ANO2: variants seen among roughly 807,000 people sequenced by gnomAD.
The protein encoded by ANO2 is anoctamin-2.
ANO2 carries 101 observed loss-of-function variants against 124.2 expected under a neutral mutation model. That is an observed-to-expected ratio of 0.81 (90% CI 0.69 to 0.96). The LOEUF is 0.96. ANO2 is among the 40% of genes least tolerant of loss of function. The pLI is 0.00. For missense variants in ANO2, 1,293 were observed against 1,274.5 expected, an observed-to-expected ratio of 1.01 and a Z score of -0.22; for synonymous variants, 486 against 482.5, an observed-to-expected ratio of 1.01 and a Z score of -0.09.
rs562471152 is a variant in ANO2 at position 5,678,579 on chromosome 12, G to C, written c.1546-30778C>G. Reference sequence around the variant, plus strand: ...AATTTTCCAAGGGATTTACTGGAACGCATTTCTGAGGGGGACTGAATGCTG... The same window carrying C: ...AATTTTCCAAGGGATTTACTGGAACCCATTTCTGAGGGGGACTGAATGCTG... On this transcript the variant is annotated intron_variant, in intron 14 of 24. Transcript: ENST00000682330. Among the ~76,000 whole-genome samples, 11 of 152,322 alleles carry C rather than the reference G, an allele frequency of 7.2e-5. No individual in the cohort carries two copies. In the East Asian group the frequency reaches 1.9e-3, roughly 27 times the overall value.
chr12:5,578,562 G>T (rs1231542486), intron 20 of ANO2, 44 bp from the exon 21 acceptor site: 1 of 1,586,634 alleles, frequency 6.3e-7, no homozygotes, highest in Non-Finnish European at 8.6e-7. Flanking sequence ...GAACAAGCAG[G>T]ACTCAGGTCC....
In ANO2 at chr12:5,667,070, C is replaced by T. The variant is rs990687671; in HGVS notation, c.1546-19269G>A. On this transcript the variant is annotated intron_variant, in intron 14 of 24. Transcript: ENST00000682330. ...CCGATGCTGAGAAAGAAACACTGTCCTGGCTTGATGGAAGGAGGACACCCG... is the reference window on the plus strand; with the variant it reads ...CCGATGCTGAGAAAGAAACACTGTCTTGGCTTGATGGAAGGAGGACACCCG... Among the ~76,000 whole-genome samples the T allele has an allele frequency of 2.6e-5, 4 of 152,158 alleles. No homozygotes were observed. In the East Asian group the frequency reaches 5.8e-4, roughly 22 times the overall value.
At chr12:5,830,094 A>G (rs1223870127) in intron 6 of ANO2, among the ~76,000 whole-genome samples, 1 of 152,094 alleles carries the variant, frequency 6.6e-6, no homozygotes, top group Non-Finnish European at 1.5e-5. Context: ...TTTTCAATGC[A>G]TTGCTTCTCA....
intron 3 of ANO2, among the ~76,000 whole-genome samples, chr12:5,914,768 C>T (rs1322149721): frequency 6.6e-6 from 1 of 152,154 alleles, no homozygotes; most frequent in Non-Finnish European, 1.5e-5. Context: ...GATTTCAGGG[C>T]CTGCAAGGTG....
At chr12:5,763,254 A>G (rs1951789349) in intron 10 of ANO2, among the ~76,000 whole-genome samples, 1 of 152,216 alleles carries the variant, frequency 6.6e-6, no homozygotes, top group South Asian at 2.1e-4. Flanking sequence ...CTGTCAAATA[A>G]GAAATGATGT....
At chr12:5,930,795 C>G (rs573171323) in intron 1 of ANO2, among the ~76,000 whole-genome samples, 80 of 152,276 alleles carry the variant, frequency 5.3e-4, no homozygotes, top group Non-Finnish European at 9.6e-4. Context: ...TCCTGCAGAA[C>G]AGCACTTCCC....
At chr12:5,653,363 G>T (rs1042960114) in intron 14 of ANO2, among the ~76,000 whole-genome samples, 1 of 152,210 alleles carries the variant, frequency 6.6e-6, no homozygotes, top group Admixed American at 6.5e-5. Flanking sequence ...GCAAAGAGAA[G>T]AGAAATACAA....
chr12:5,729,859 A>G (rs1950569481), intron 14 of ANO2, among the ~76,000 whole-genome samples: 1 of 152,222 alleles, frequency 6.6e-6, no homozygotes, highest in Non-Finnish European at 1.5e-5. Flanking sequence ...ATATGCTACA[A>G]TATGAATGAA....
chr12:5,631,334 C>T (rs1945708983), intron 16 of ANO2, among the ~76,000 whole-genome samples: 1 of 152,166 alleles, frequency 6.6e-6, no homozygotes, highest in South Asian at 2.1e-4. Context: ...CTCCCTCCTG[C>T]CATCTGGGTC....
Position 5,631,204 on chromosome 12 carries a change from C to A in ANO2, c.1816+3948G>T, listed in dbSNP as rs531317457. 2.0e-5 allele frequency among the ~76,000 whole-genome samples: 3 copies of A among 152,302 alleles called. No homozygotes were observed. In the South Asian group the frequency reaches 6.2e-4, roughly 32 times the overall value. On this transcript the variant is annotated intron_variant, in intron 16 of 24. Coordinates refer to ENST00000682330, the MANE Select transcript of ANO2 (RefSeq NM_001364791.2). ...GTGATGCGGTAAGATCAGACAGTAC[C>A]TGATCAGCATCCAATGAATAGTGTG...
chr12:5,685,526 T>C (rs540846075), intron 14 of ANO2, among the ~76,000 whole-genome samples: 1 of 152,320 alleles, frequency 6.6e-6, no homozygotes, highest in Non-Finnish European at 1.5e-5. Context: ...GGCTCAGGCC[T>C]ATAATCCCAA....
intron 10 of ANO2, among the ~76,000 whole-genome samples, chr12:5,778,569 A>G (rs1435482947): frequency 6.6e-6 from 1 of 152,262 alleles, no homozygotes; most frequent in Non-Finnish European, 1.5e-5. Context: ...ATGCAATTCC[A>G]ATAGATGGCA....
At chr12:5,573,378 T>G (rs1169924176) in intron 23 of ANO2, among the ~76,000 whole-genome samples, 1 of 152,140 alleles carries the variant, frequency 6.6e-6, no homozygotes, top group Non-Finnish European at 1.5e-5. Flanking sequence ...AAACAGACGA[T>G]GTGAGCCTGG....
chr12:5,691,986 G>A (rs1183687278), intron 14 of ANO2, among the ~76,000 whole-genome samples: 1 of 152,212 alleles, frequency 6.6e-6, no homozygotes, highest in Non-Finnish European at 1.5e-5. Context: ...GATCTTGTGA[G>A]GCCTGGTGGG....
intron 3 of ANO2, among the ~76,000 whole-genome samples, chr12:5,877,316 C>T (rs1565742447): frequency 6.6e-6 from 1 of 152,114 alleles, no homozygotes; most frequent in South Asian, 2.1e-4. Flanking sequence ...AGGAGACGGC[C>T]ATGTGACGAT....
At chr12:5,881,905 T>C (rs564739766) in intron 3 of ANO2, 38 of 152,358 alleles carry the variant, frequency 2.5e-4, no homozygotes, top group African/African-American at 8.4e-4. Context: ...ATCATGCTCA[T>C]CCTGGACTGA....
At chr12:5,601,625 T>C (rs1943945793) in intron 19 of ANO2, among the ~76,000 whole-genome samples, 1 of 152,206 alleles carries the variant, frequency 6.6e-6, no homozygotes, top group Admixed American at 6.5e-5. Flanking sequence ...TTCTCCTCCA[T>C]GAACAGTAAT....
At chr12:5,889,097 A>G (rs2136270144) in intron 3 of ANO2, among the ~76,000 whole-genome samples, 1 of 152,300 alleles carries the variant, frequency 6.6e-6, no homozygotes, top group South Asian at 2.1e-4. Flanking sequence ...CCCAGGTGCT[A>G]AGCCTCTCAC....
Position 5,819,631 on chromosome 12 carries a change from T to C in ANO2, c.892+8138A>G, listed in dbSNP as rs141426270. Among the ~76,000 whole-genome samples, 1,280 of 152,300 alleles carry C rather than the reference T, an allele frequency of 8.4e-3. 9 individuals carry two copies. The highest frequency in any genetic ancestry group is 0.027 in the Middle Eastern group (8 of 294). ...GGGAGATTGGGATGGTGGAGTGGATTAGTCACTTTAGACCTACTCATCCTA... is the reference window on the plus strand; with the variant it reads ...GGGAGATTGGGATGGTGGAGTGGATCAGTCACTTTAGACCTACTCATCCTA... On this transcript the variant is annotated intron_variant, in intron 7 of 24. Transcript: ENST00000682330.
Sources: gnomAD v4.1 joint callset for allele counts (sites outside exome capture counted in the v4.1 genomes callset) on GRCh38, gnomAD v4.1.1 for gene constraint, MANE v1.5 for transcripts, NCBI Gene and HGNC (gene_info 2026-07-23, HGNC 2026-07-21) for gene names.